Variants in SORCS1 observed in about 807,000 individuals in gnomAD.
SORCS1 encodes sortilin related VPS10 domain containing receptor 1.
In SORCS1, 60 loss-of-function variants were observed where a neutral mutation model predicts 146.1. The ratio of observed to expected loss-of-function variants is 0.41; its 90% CI spans 0.33 to 0.51. SORCS1 has a LOEUF of 0.51. Ranked by LOEUF, SORCS1 falls within the 20% of genes least tolerant of loss-of-function variation. The probability of loss-of-function intolerance (pLI) is 0.21; values close to 1 mark genes in which losing one functional copy is unlikely to be tolerated. For synonymous variants in SORCS1, 637 were observed against 584.0 expected (o/e 1.09, Z -1.31); for missense variants, 1,352 against 1,487.6 (o/e 0.91, Z 1.50).
intron 2 of SORCS1, among the ~76,000 whole-genome samples, chr10:106,899,991 T>A (rs919651108): frequency 2.6e-5 from 4 of 152,072 alleles, no homozygotes; most frequent in Non-Finnish European, 5.9e-5. Context: ...CTCCATGAGA[T>A]GTCCATCTCT....
At chr10:106,710,308 G>A (rs1020761173) in intron 6 of SORCS1, among the ~76,000 whole-genome samples, 7 of 151,800 alleles carry the variant, frequency 4.6e-5, no homozygotes, top group African/African-American at 1.5e-4. Context: ...TGAGCTGGGC[G>A]CAGTGGCAGG....
At chr10:106,587,979 C>A (rs931363050) in intron 24 of SORCS1, among the ~76,000 whole-genome samples, 1 of 152,188 alleles carries the variant, frequency 6.6e-6, no homozygotes, top group East Asian at 1.9e-4. Flanking sequence ...GAAAGCCCAG[C>A]GTAGGGCAAC....
chr10:107,132,622 A>C (rs1224711553), intron 1 of SORCS1, among the ~76,000 whole-genome samples: 1 of 152,166 alleles, frequency 6.6e-6, no homozygotes, highest in Non-Finnish European at 1.5e-5. Context: ...CTGGCTAAGC[A>C]AATTAATACT....
At chr10:106,782,081 T>G (rs115027663) in intron 3 of SORCS1, among the ~76,000 whole-genome samples, 3 of 152,178 alleles carry the variant, frequency 2.0e-5, no homozygotes, top group Non-Finnish European at 4.4e-5. Flanking sequence ...AATCGCGTCA[T>G]TCAATACTGA....
intron 1 of SORCS1, among the ~76,000 whole-genome samples, chr10:106,994,494 T>C (rs549776792): frequency 6.6e-6 from 1 of 152,354 alleles, no homozygotes; most frequent in East Asian, 1.9e-4. Flanking sequence ...TTGACCCATA[T>C]TTAAGCCAAC....
intron 24 of SORCS1, among the ~76,000 whole-genome samples, chr10:106,592,667 T>C (rs80236767): frequency 1.5e-4 from 22 of 149,642 alleles, no homozygotes; most frequent in African/African-American, 5.4e-4. Flanking sequence ...ACAATGGTTC[T>C]TTTTTTTTTC....
chr10:106,850,199 G>A (rs1343994418), intron 2 of SORCS1, among the ~76,000 whole-genome samples: 6 of 151,956 alleles, frequency 3.9e-5, no homozygotes, highest in Non-Finnish European at 7.4e-5. Context: ...CTGCCGCCTT[G>A]CAGTTTGATC....
chr10:106,926,520 T>C (rs538349685), intron 2 of SORCS1, among the ~76,000 whole-genome samples: 1 of 152,294 alleles, frequency 6.6e-6, no homozygotes, highest in Admixed American at 6.5e-5. Flanking sequence ...TAGCCAATTA[T>C]AAAGTTACCT....
At chr10:106,677,447 C>T (rs1453136236) in intron 12 of SORCS1, 43 bp from the exon 13 acceptor site, 1 of 1,531,528 alleles carries the variant, frequency 6.5e-7, no homozygotes, top group Non-Finnish European at 9.0e-7. Flanking sequence ...TCCACATCCA[C>T]ACATACCCAG....
intron 1 of SORCS1, among the ~76,000 whole-genome samples, chr10:106,968,386 C>T (rs1176674469): frequency 1.3e-5 from 2 of 152,186 alleles, no homozygotes; most frequent in Non-Finnish European, 2.9e-5. Context: ...ATTATAGACA[C>T]TATCTAAATA....
intron 2 of SORCS1, among the ~76,000 whole-genome samples, chr10:106,936,568 T>G (rs1953730459): frequency 6.6e-6 from 1 of 152,230 alleles, no homozygotes; most frequent in South Asian, 2.1e-4. Context: ...AAATATCTTC[T>G]TCCTTGCAAT....
chr10:107,020,034 C>T (rs1278286194), intron 1 of SORCS1, among the ~76,000 whole-genome samples: 1 of 152,222 alleles, frequency 6.6e-6, no homozygotes, highest in African/African-American at 2.4e-5. Context: ...CCAAGGCCAT[C>T]CCACTCCTTC....
At position 106,747,115 on chromosome 10, in the gene SORCS1, C is replaced by G. The variant is rs146093922; in HGVS notation, c.959+14473G>C. On this transcript the variant is annotated intron_variant, in intron 5 of 25. Coordinates refer to ENST00000263054, the MANE Select transcript of SORCS1 (RefSeq NM_052918.5). ...TAAACTTCAGCACTCATGTAAAACC[C>G]TTTACCATAAATCTCATAAACGCAG... Among the ~76,000 whole-genome samples, 51 of 152,314 alleles carry G rather than the reference C, an allele frequency of 3.3e-4. 2 individuals carry two copies. The East Asian group carries it at 9.6e-3, about 29-fold the overall frequency.
chr10:106,769,413 A>T (rs1859825336), intron 4 of SORCS1, among the ~76,000 whole-genome samples: 1 of 148,542 alleles, frequency 6.7e-6, no homozygotes, highest in African/African-American at 2.5e-5. Flanking sequence ...TGAAGCCAGG[A>T]GGCGGAGGTT....
chr10:106,911,357 A>G (rs1952141271), intron 2 of SORCS1, among the ~76,000 whole-genome samples: 1 of 152,214 alleles, frequency 6.6e-6, no homozygotes, highest in African/African-American at 2.4e-5. Context: ...CTTCTGTAGT[A>G]GCAGGGGGGT....
chr10:106,673,218 G>A (rs964935013), intron 14 of SORCS1, among the ~76,000 whole-genome samples: 1 of 149,016 alleles, frequency 6.7e-6, no homozygotes, highest in Non-Finnish European at 1.5e-5. Context: ...TACAACCCCT[G>A]ACTCCCTGGT....
intron 1 of SORCS1, among the ~76,000 whole-genome samples, chr10:107,154,323 C>T (rs1590258347): frequency 6.6e-6 from 1 of 152,056 alleles, no homozygotes. Context: ...TTTCTAGGGA[C>T]TTGGGATATA....
chr10:106,615,268 A>G (rs1441323030), intron 21 of SORCS1, among the ~76,000 whole-genome samples: 1 of 152,188 alleles, frequency 6.6e-6, no homozygotes, highest in Non-Finnish European at 1.5e-5. Flanking sequence ...CAAGAAAGAT[A>G]GCACCCCTCC....
intron 10 of SORCS1, among the ~76,000 whole-genome samples, chr10:106,681,337 C>T (rs2135566317): frequency 6.6e-6 from 1 of 152,340 alleles, no homozygotes; most frequent in East Asian, 1.9e-4. Flanking sequence ...ATTTGTTTCA[C>T]TATGCACAAT....
Sources: allele counts gnomAD v4.1 joint callset (sites outside exome capture counted in the v4.1 genomes callset), GRCh38; gene constraint gnomAD v4.1.1; transcripts MANE v1.5; gene names NCBI Gene and HGNC (gene_info 2026-07-23, HGNC 2026-07-21).